Variants in DNAH11 observed in about 807,000 individuals in gnomAD.
DNAH11 encodes the protein dynein axonemal heavy chain 11, also known as axonemal beta dynein heavy chain 11.
Under a neutral mutation model 526.0 loss-of-function variants are expected in DNAH11, and 442 were observed. That is an observed-to-expected ratio of 0.84 (90% confidence interval 0.78 to 0.91). The LOEUF (loss-of-function observed/expected upper bound fraction) is 0.91, where lower values mean the gene tolerates loss of function less well. Ranked by LOEUF, DNAH11 falls within the 40% of genes least tolerant of loss-of-function variation. The pLI is 0.00. For missense variants in DNAH11, 6,989 were observed against 5,448.7 expected (o/e 1.28, Z -8.90); for synonymous variants, 2,461 against 1,935.9 (o/e 1.27, Z -7.12).
intron 5 of DNAH11, among the ~76,000 whole-genome samples, chr7:21,562,450 AT>A (rs921773379): frequency 6.6e-6 from 1 of 151,490 alleles, no homozygotes; most frequent in Middle Eastern, 3.4e-3. Flanking sequence ...AGCTGTTGGC[AT>A]TTTTTTTTCT....
intron 23 of DNAH11, among the ~76,000 whole-genome samples, chr7:21,617,979 T>C (rs1175526076): frequency 1.3e-5 from 2 of 152,226 alleles, no homozygotes; most frequent in Admixed American, 6.5e-5. Flanking sequence ...TCCTCCAGGC[T>C]GTCCCCAGGA....
intron 34 of DNAH11, 84 bp from the exon 35 acceptor site, chr7:21,690,681 G>A (rs1783578259): frequency 3.4e-5 from 32 of 944,912 alleles, no homozygotes; most frequent in Non-Finnish European, 5.2e-5. Flanking sequence ...CTAATAATTT[G>A]CATTTTGCAG....
At chr7:21,722,743 G>T (rs1207604141) in intron 44 of DNAH11, among the ~76,000 whole-genome samples, 1 of 152,182 alleles carries the variant, frequency 6.6e-6, no homozygotes, top group Admixed American at 6.5e-5. Flanking sequence ...CAGAGGCACG[G>T]TTTACAACAT....
chr7:21,644,113 A>G (rs1787245319), intron 28 of DNAH11, among the ~76,000 whole-genome samples: 1 of 152,244 alleles, frequency 6.6e-6, no homozygotes, highest in Admixed American at 6.5e-5. Flanking sequence ...AATTACAGCG[A>G]TGAGACAGAT....
chr7:21,617,593 A>G (rs1216716383), intron 22 of DNAH11, 26 bp from the exon 23 acceptor site: 1 of 1,612,642 alleles, frequency 6.2e-7, no homozygotes, highest in African/African-American at 1.3e-5. Context: ...CTTGGGAGCT[A>G]GGTTTTTTCC....
At chr7:21,640,809 G>A (rs17747311) in intron 28 of DNAH11, among the ~76,000 whole-genome samples, 6,145 of 152,176 alleles carry the variant, frequency 0.04, 142 homozygotes, top group South Asian at 0.045. Flanking sequence ...CCAAGCTTTC[G>A]TTTAATAACT....
Position 21,744,545 on chromosome 7 carries a change from A to T in DNAH11, c.8262A>T (p.Lys2754Asn). The T allele has an allele frequency of 6.2e-7, 1 of 1,613,494 alleles. No individual in the cohort carries two copies. Among genetic ancestry groups the T allele is most frequent in the Non-Finnish European group, 8.5e-7 (1 of 1,179,786 alleles). Residue 2754 changes from lysine (K) to asparagine (N), a missense_variant, in exon 50 of 82, where the codon AAA becomes AAT. Lys to Asn is a moderately conservative substitution (Grantham distance 94). Coordinates refer to ENST00000409508, the MANE Select transcript of DNAH11 (RefSeq NM_001277115.2). ...ATGGAGACAAACTGATAGACAAAAA[A>T]GATTGTGATTTGTTTCAGAGAAGAA... ...RVYGDKLIDK[K>N]DCDLFQRRML...
chr7:21,881,477 G>A (rs1422532721), intron 75 of DNAH11, among the ~76,000 whole-genome samples: 6 of 152,196 alleles, frequency 3.9e-5, no homozygotes, highest in East Asian at 1.9e-4. Flanking sequence ...AGATGGGAAT[G>A]GGAATGCCTC....
chr7:21,753,684 C>A (rs1003776803), intron 54 of DNAH11, among the ~76,000 whole-genome samples: 2 of 152,154 alleles, frequency 1.3e-5, no homozygotes, highest in Admixed American at 6.5e-5. Context: ...TTCTTGTTAA[C>A]TGTCTGCTAC....
In DNAH11 at chr7:21,614,984, C is replaced by T. The variant is rs7779983; in HGVS notation, c.3853-130C>T. 586,999 of 1,085,598 alleles carry T rather than the reference C, an allele frequency of 0.54. 160,461 individuals are homozygous for T. The highest frequency in any genetic ancestry group is 0.73 in the East Asian group (27,132 of 37,020). The allele number at this position is 1,085,598 out of a possible 1,614,324, so 67.2% of individuals were successfully genotyped here. On this transcript the variant is annotated intron_variant, in intron 20 of 81. Transcript: ENST00000409508. The stretch of plus-strand genomic sequence containing the variant: ...AAAACCTACATTTTGCCAGTAATTA[C>T]GCTGCAGATTTATTTTTATTTTCCC...
At position 21,681,571 on chromosome 7, in the gene DNAH11, C is replaced by T. The variant is rs751631830; in HGVS notation, c.5354C>T (p.Thr1785Ile). 3.7e-6 allele frequency: 6 copies of T among 1,613,768 alleles called. 1 individual carries two copies. Among genetic ancestry groups the T allele is most frequent in the South Asian group, 2.2e-5 (2 of 91,072 alleles). The change falls in exon 31 of 82, where the codon ACA becomes ATA. Residue 1785 changes from threonine (T) to isoleucine (I), a missense_variant. By Grantham distance (89) the Thr-to-Ile change is moderately conservative (BLOSUM62 -1). Coordinates refer to ENST00000409508, the MANE Select transcript of DNAH11 (RefSeq NM_001277115.2). ...KQISQLNTLI[T>I]LLLGELPPGD... ...ATTTCTCAGCTGAATACACTGATTA[C>T]ACTTTTGCTGGGAGAACTTCCACCT...
At chr7:21,812,729 T>C (rs1789586552) in intron 63 of DNAH11, among the ~76,000 whole-genome samples, 1 of 152,018 alleles carries the variant, frequency 6.6e-6, no homozygotes, top group Non-Finnish European at 1.5e-5. Context: ...GGCCCTCAAG[T>C]GAAATGAGAC....
At chr7:21,558,728 T>C in intron 2 of DNAH11, 74 bp from the exon 3 acceptor site, 1 of 1,227,944 alleles carries the variant, frequency 8.1e-7, no homozygotes, top group African/African-American at 1.5e-5. Flanking sequence ...TTGTTGCCAA[T>C]TTTGTACGAC....
chr7:21,827,652 ATTTATT>A (rs1440314626), intron 65 of DNAH11, among the ~76,000 whole-genome samples: 2 of 122,886 alleles, frequency 1.6e-5, no homozygotes, highest in African/African-American at 7.1e-5. Flanking sequence ...GATTTAAAAA[ATTTATT>A]TTTACAGAAA....
intron 63 of DNAH11, among the ~76,000 whole-genome samples, chr7:21,810,289 G>T (rs1464050201): frequency 1.4e-4 from 22 of 152,142 alleles, no homozygotes. Flanking sequence ...ATAGAGAATA[G>T]AAAATCAGAC....
rs767913711 is a variant in DNAH11 at position 21,892,432 on chromosome 7, A to C, written c.12515A>C (p.Asp4172Ala). The C allele has an allele frequency of 6.2e-7, 1 of 1,609,624 alleles. No individual in the cohort carries two copies. Among genetic ancestry groups the C allele is most frequent in the Admixed American group, 1.7e-5 (1 of 59,848 alleles). The change falls in exon 77 of 82, where the codon GAT becomes GCT. Residue 4172 changes from aspartate to alanine, a missense_variant. Transcript: ENST00000409508. ...TTTCCTTTGTGGTTCAAGACTGAAG[A>C]TGAACTGATGCTGGCACCAGGTTTT... ...EEFMNPSLTE[D>A]ELMLAPGFAA...
intron 29 of DNAH11, among the ~76,000 whole-genome samples, chr7:21,657,061 T>C (rs1185995960): frequency 6.6e-6 from 1 of 152,148 alleles, no homozygotes. Flanking sequence ...ATATTGAAAG[T>C]TTTTATAGTG....
At chr7:21,854,575 A>T in intron 68 of DNAH11, 120 bp downstream of exon 68, 6 of 1,105,924 alleles carry the variant, frequency 5.4e-6, no homozygotes, top group Non-Finnish European at 7.4e-6. Flanking sequence ...ATTGAGACAG[A>T]GTCTCACTCT....
At chr7:21,827,669 T>TAGTA (rs34067058) in intron 65 of DNAH11, among the ~76,000 whole-genome samples, 77,221 of 151,234 alleles carry the variant, frequency 0.51, 21,266 homozygotes, top group East Asian at 0.9. Context: ...TTTACAGAAA[T>TAGTA]AGAGGGAGAT....
Sources: allele counts gnomAD v4.1 joint callset (sites outside exome capture counted in the v4.1 genomes callset), GRCh38; gene constraint gnomAD v4.1.1; transcripts MANE v1.5; gene names NCBI Gene and HGNC (gene_info 2026-07-23, HGNC 2026-07-21).